The following KMT2C variants were observed in gnomAD, a reference collection of about 807,000 sequenced individuals.
The protein encoded by KMT2C is histone-lysine N-methyltransferase 2C.
Under a neutral mutation model 507.9 loss-of-function variants are expected in KMT2C, and 88 were observed. That is an observed-to-expected ratio of 0.17 (90% confidence interval 0.15 to 0.21). KMT2C has a LOEUF of 0.21. KMT2C is among the 10% of genes least tolerant of loss of function. The pLI is 1.00. For synonymous variants in KMT2C, 2,049 were observed against 2,080.8 expected, an observed-to-expected ratio of 0.98 and a Z score of 0.42; for missense variants, 4,954 against 5,957.8, an observed-to-expected ratio of 0.83 and a Z score of 5.55.
At chr7:152,367,464 C>A in intron 1 of KMT2C, 1 of 774,200 alleles carries the variant, frequency 1.3e-6, no homozygotes, top group Non-Finnish European at 2.2e-6. Context: ...ACAATCTACC[C>A]ACCTCGGCCT....
chr7:152,375,270 G>A (rs2097319727), intron 1 of KMT2C, among the ~76,000 whole-genome samples: 3 of 151,946 alleles, frequency 2.0e-5, no homozygotes, highest in Non-Finnish European at 4.4e-5. Flanking sequence ...TCAAACTCCT[G>A]ACCTCAGGTG....
chr7:152,218,627 C>T (rs2094657202), intron 23 of KMT2C, among the ~76,000 whole-genome samples: 1 of 152,160 alleles, frequency 6.6e-6, no homozygotes, highest in South Asian at 2.1e-4. Context: ...TTCTTCTTTT[C>T]AGGAACATTC....
rs2092274856 is a variant in KMT2C at position 152,158,878 on chromosome 7, A to G, written c.11655T>C (p.Phe3885=). The part of the protein sequence containing the change: ...KQAMYSSTDT[F]THLKQQNNLS... Reference sequence around the variant, plus strand: ...TCACCCTCACCTGTTTCAAGTGGGTAAACGTGTCAGTGCTAGAGTACATAG... The same window carrying G: ...TCACCCTCACCTGTTTCAAGTGGGTGAACGTGTCAGTGCTAGAGTACATAG... Residue 3885 remains phenylalanine (F), a synonymous_variant, in exon 44 of 59, where the codon TTT becomes TTC. Transcript: ENST00000262189. 2.5e-6 allele frequency: 4 copies of G among 1,613,958 alleles called. No individual in the cohort carries two copies. The highest frequency in any genetic ancestry group is 1.7e-5 in the Admixed American group (1 of 60,006).
chr7:152,410,186 CA>C (rs2097666117), intron 1 of KMT2C, among the ~76,000 whole-genome samples: 1 of 151,518 alleles, frequency 6.6e-6, no homozygotes, highest in Non-Finnish European at 1.5e-5. Context: ...CCAAGGTAGA[CA>C]GATCACGAGG....
intron 31 of KMT2C, among the ~76,000 whole-genome samples, chr7:152,193,707 G>A (rs1264735921): frequency 6.6e-6 from 1 of 152,094 alleles, no homozygotes; most frequent in Non-Finnish European, 1.5e-5. Flanking sequence ...CACAGCAAGT[G>A]CCTATGTGGC....
At chr7:152,276,205 G>C (rs1047699740) in intron 6 of KMT2C, among the ~76,000 whole-genome samples, 5 of 152,194 alleles carry the variant, frequency 3.3e-5, no homozygotes, top group African/African-American at 1.2e-4. Flanking sequence ...AAGAGCACTC[G>C]GCATTAAAAG....
In KMT2C at chr7:152,185,645, A is replaced by T. The variant is rs1563308188; in HGVS notation, c.5009-14T>A. 6.3e-7 allele frequency: 1 copy of T among 1,582,368 alleles called. No individual in the cohort carries two copies. ...TAGTAGTCCAATCTGCAACAAAAGAACAGAGTATAACACTTTCTCAGAGCC... is the reference window on the plus strand; with the variant it reads ...TAGTAGTCCAATCTGCAACAAAAGATCAGAGTATAACACTTTCTCAGAGCC... On this transcript the variant is annotated splice_polypyrimidine_tract_variant and intron_variant, in intron 33 of 58. Coordinates refer to ENST00000262189, the MANE Select transcript of KMT2C (RefSeq NM_170606.3).
At chr7:152,384,941 C>T (rs535059095) in intron 1 of KMT2C, among the ~76,000 whole-genome samples, 16 of 152,300 alleles carry the variant, frequency 1.1e-4, no homozygotes, top group Non-Finnish European at 1.5e-4. Context: ...CATTTTACAA[C>T]TCTTAATGAA....
chr7:152,172,607 A>G (rs1382371331), intron 39 of KMT2C, among the ~76,000 whole-genome samples: 1 of 152,200 alleles, frequency 6.6e-6, no homozygotes, highest in Non-Finnish European at 1.5e-5. Context: ...GATGCAGGAG[A>G]ATCGCTTGAA....
intron 2 of KMT2C, among the ~76,000 whole-genome samples, chr7:152,352,797 T>C (rs2097124239): frequency 6.6e-6 from 1 of 152,142 alleles, no homozygotes; most frequent in Non-Finnish European, 1.5e-5. Context: ...GAATTTTAAA[T>C]GGGCCTGAAA....
rs537459308 is a variant in KMT2C, at chr7:152,325,215, G to A, written c.389+5386C>T. Among the ~76,000 whole-genome samples, 38 of 151,760 alleles carry A rather than the reference G, an allele frequency of 2.5e-4. 2 individuals are homozygous for A. The highest frequency in any genetic ancestry group is 8.0e-4 in the African/African-American group (33 of 41,476). ...CGCCCAGGCTGGAGTGCAATGGTGC[G>A]ATCTTGGCTCACTGCAACGTCCACC... On this transcript the variant is annotated intron_variant, in intron 3 of 58. Transcript: ENST00000262189.
At chr7:152,429,659 T>C (rs1457738485) in intron 1 of KMT2C, among the ~76,000 whole-genome samples, 1 of 151,804 alleles carries the variant, frequency 6.6e-6, no homozygotes, top group Non-Finnish European at 1.5e-5. Context: ...TCACTGGGAC[T>C]ATAGGTGCCT....
At position 152,180,808 on chromosome 7, in the gene KMT2C, C is replaced by T. The variant is rs2093410296; in HGVS notation, c.7052G>A (p.Gly2351Asp). The stretch of plus-strand genomic sequence containing the variant: ...CACAGGTCCAGGAAGTTGGGAGACA[C>T]CAGAGAACTGCTGGCCTTGGGAGTG... Reference protein sequence around the residue: ...PMHSQGQQFSGVSQLPGPVPT... With the variant: ...PMHSQGQQFSDVSQLPGPVPT... Residue 2351 changes from glycine (G) to aspartate (D), a missense_variant, in exon 36 of 59, where the codon GGT becomes GAT. Coordinates refer to ENST00000262189, the MANE Select transcript of KMT2C (RefSeq NM_170606.3). 1.2e-6 allele frequency: 2 copies of T among 1,613,994 alleles called. No homozygotes were observed. The highest frequency in any genetic ancestry group is 1.7e-5 in the Admixed American group (1 of 60,002).
At chr7:152,422,487 G>A (rs1391267771) in intron 1 of KMT2C, among the ~76,000 whole-genome samples, 1 of 151,826 alleles carries the variant, frequency 6.6e-6, no homozygotes, top group African/African-American at 2.4e-5. Context: ...TGGGGGCTCA[G>A]GATTCAACAA....
At chr7:152,393,063 CT>C (rs2097512442) in intron 1 of KMT2C, among the ~76,000 whole-genome samples, 1 of 152,152 alleles carries the variant, frequency 6.6e-6, no homozygotes, top group African/African-American at 2.4e-5. Flanking sequence ...CATCACTGCA[CT>C]CCAGCCTGGG....
chr7:152,429,486 C>T (rs1264056558), intron 1 of KMT2C, among the ~76,000 whole-genome samples: 1 of 152,000 alleles, frequency 6.6e-6, no homozygotes, highest in Non-Finnish European at 1.5e-5. Context: ...AAGGGATCAA[C>T]ACTTCCAATT....
intron 6 of KMT2C, among the ~76,000 whole-genome samples, chr7:152,297,055 C>CAGACAGACAGAGAG (rs1315629061): frequency 0.011 from 936 of 84,382 alleles, 22 homozygotes; most frequent in Non-Finnish European, 0.015. Context: ...GAAAGAAAGA[C>CAGACAGACAGAGAG]AGAGAGAGAG....
chr7:152,258,170 G>A (rs1376830694), intron 9 of KMT2C, among the ~76,000 whole-genome samples: 1 of 152,188 alleles, frequency 6.6e-6, no homozygotes, highest in Non-Finnish European at 1.5e-5. Context: ...TATAAGATGA[G>A]CTTGTAACAT....
intron 1 of KMT2C, among the ~76,000 whole-genome samples, chr7:152,381,679 T>C (rs1324975508): frequency 6.6e-6 from 1 of 152,278 alleles, no homozygotes; most frequent in Non-Finnish European, 1.5e-5. Flanking sequence ...GATTTCACTT[T>C]CAAAAATGTA....
Sources: allele counts gnomAD v4.1 joint callset (sites outside exome capture counted in the v4.1 genomes callset), GRCh38; gene constraint gnomAD v4.1.1; transcripts MANE v1.5; gene names NCBI Gene and HGNC (gene_info 2026-07-23, HGNC 2026-07-21).